The following SEPTIN12 variants were observed in gnomAD, a reference collection of about 807,000 sequenced individuals.
SEPTIN12 encodes septin-12.
A neutral mutation model predicts 37.7 loss-of-function variants in SEPTIN12; 42 were observed. The ratio of observed to expected loss-of-function variants is 1.11; its 90% CI spans 0.87 to 1.44. The LOEUF is 1.44. SEPTIN12 is among the 40% of genes most tolerant of loss of function. The pLI is 0.00. For missense variants in SEPTIN12, 613 were observed against 479.2 expected (o/e 1.28, Z -2.61); for synonymous variants, 254 against 196.7 (o/e 1.29, Z -2.44).
Position 4,787,680 on chromosome 16 carries a change from G to A in SEPTIN12, c.-22-13C>T, listed in dbSNP as rs752094196. Reference sequence around the variant, plus strand: ...GGGTTCGAGATGCCTGTCACCAGGTGGGTGGGGAGAAGGGGGTCACTGGGG... The same window carrying A: ...GGGTTCGAGATGCCTGTCACCAGGTAGGTGGGGAGAAGGGGGTCACTGGGG... On this transcript the variant is annotated splice_polypyrimidine_tract_variant and intron_variant, in intron 1 of 9. Coordinates refer to ENST00000268231, the MANE Select transcript of SEPTIN12 (RefSeq NM_144605.5). 1 of 1,272,730 alleles carries A rather than the reference G, an allele frequency of 7.9e-7. No homozygotes were observed. The highest frequency in any genetic ancestry group is 1.3e-5 in the South Asian group (1 of 76,146). The allele number at this position is 1,272,730 out of a possible 1,614,324, so 78.8% of individuals were successfully genotyped here.
At chr16:4,791,428 G>A (rs1377112998), upstream of SEPTIN12, among the ~76,000 whole-genome samples, 2 of 152,148 alleles carry the variant, frequency 1.3e-5, no homozygotes, top group Non-Finnish European at 2.9e-5. Flanking sequence ...ATCATGCTTC[G>A]ACGGCTCTGA....
At chr16:4,779,869 A>T (rs2082354461) in intron 7 of SEPTIN12, 83 bp from the exon 8 acceptor site, 2 of 865,990 alleles carry the variant, frequency 2.3e-6, no homozygotes, top group East Asian at 4.9e-5. Context: ...CAGGCAGGAG[A>T]GGGGAGTCCT....
Position 4,783,577 on chromosome 16 carries a change from G to A in SEPTIN12, c.631-20C>T. The A allele has an allele frequency of 1.2e-6, 2 of 1,612,814 alleles. No individual in the cohort carries two copies. The highest frequency in any genetic ancestry group is 1.7e-6 in the Non-Finnish European group (2 of 1,178,864). ...CTGGATCTGGAGATCCCACACAGGT[G>A]ACCTCAGCCCACCCTGCCCACTCTG... On this transcript the variant is annotated intron_variant, in intron 6 of 9. Coordinates refer to ENST00000268231, the MANE Select transcript of SEPTIN12 (RefSeq NM_144605.5).
upstream of SEPTIN12, chr16:4,790,066 ACCATGCTGGGC>A (rs2082528218): frequency 6.6e-6 from 1 of 151,636 alleles, no homozygotes; most frequent in African/African-American, 2.4e-5. Flanking sequence ...AGGTACGTAG[ACCATGCTGGGC>A]TAATTTTTTT....
At chr16:4,785,175 C>T (rs926459592) in intron 4 of SEPTIN12, among the ~76,000 whole-genome samples, 3 of 151,680 alleles carry the variant, frequency 2.0e-5, no homozygotes, top group Admixed American at 6.6e-5. Context: ...GCTTGAACCC[C>T]GGGAGGCGGA....
intron 4 of SEPTIN12, 24 bp from the exon 5 acceptor site, chr16:4,784,092 C>G (rs760637407): frequency 3.7e-6 from 6 of 1,613,372 alleles, no homozygotes; most frequent in Non-Finnish European, 4.2e-6. Context: ...TGGACCCTCC[C>G]CTCAGAACTG....
chr16:4,781,019 G>A (rs1029545275), intron 7 of SEPTIN12, among the ~76,000 whole-genome samples: 1 of 152,022 alleles, frequency 6.6e-6, no homozygotes, highest in Non-Finnish European at 1.5e-5. Context: ...CCAGCACTTT[G>A]GGAGGCTGAG....
At chr16:4,778,184 G>T (rs767848593) in intron 8 of SEPTIN12, 47 bp from the exon 9 acceptor site, 7 of 1,586,322 alleles carry the variant, frequency 4.4e-6, no homozygotes, top group Non-Finnish European at 6.1e-6. Flanking sequence ...TGAGCACTGA[G>T]TAAGTGCCTA....
In SEPTIN12 at chr16:4,786,116, C is replaced by A. The variant is rs1269287187; in HGVS notation, c.167-11G>T. The A allele has an allele frequency of 1.2e-5, 19 of 1,593,160 alleles. No individual in the cohort carries two copies. The highest frequency in any genetic ancestry group is 1.6e-5 in the Non-Finnish European group (19 of 1,167,460). On this transcript the variant is annotated splice_polypyrimidine_tract_variant and intron_variant, in intron 2 of 9. Transcript: ENST00000268231. ...CCAGCCCGCTTTGCCCTGGGAGTGG[C>A]AACCGGATGACAGCAGTTAGGGTGG...
chr16:4,785,928 G>A, intron 3 of SEPTIN12, 40 bp from the exon 4 acceptor site: 15 of 1,607,636 alleles, frequency 9.3e-6, no homozygotes, highest in Non-Finnish European at 1.3e-5. Flanking sequence ...CTGGACCCAG[G>A]TGGGATGGGG....
upstream of SEPTIN12, among the ~76,000 whole-genome samples, chr16:4,790,313 T>C (rs1421090702): frequency 6.6e-6 from 1 of 152,154 alleles, no homozygotes; most frequent in African/African-American, 2.4e-5. Flanking sequence ...CCACAGACAA[T>C]AGGTAAACAG....
intron 2 of SEPTIN12, among the ~76,000 whole-genome samples, chr16:4,787,000 A>C (rs1048927025): frequency 7.3e-5 from 11 of 151,316 alleles, no homozygotes; most frequent in Non-Finnish European, 1.5e-4. Flanking sequence ...TTAGCCTCCT[A>C]AGTAGCTCCT....
At chr16:4,779,048 G>C (rs1203232296) in intron 8 of SEPTIN12, among the ~76,000 whole-genome samples, 1 of 151,906 alleles carries the variant, frequency 6.6e-6, no homozygotes. Context: ...TGAGACAGGA[G>C]AATCACTTGA....
chr16:4,787,921 A>G (rs2082485835), intron 1 of SEPTIN12: 1 of 378,598 alleles, frequency 2.6e-6, no homozygotes. Flanking sequence ...CCCCACCTAC[A>G]GCCCAGGCAG....
intron 7 of SEPTIN12, among the ~76,000 whole-genome samples, chr16:4,780,028 C>A (rs1190974055): frequency 1.3e-5 from 2 of 151,760 alleles, no homozygotes; most frequent in Non-Finnish European, 2.9e-5. Context: ...ATCACTTGAG[C>A]CCTAGGAGTT....
upstream of SEPTIN12, among the ~76,000 whole-genome samples, chr16:4,791,307 C>T (rs1031117326): frequency 6.6e-5 from 10 of 152,142 alleles, no homozygotes; most frequent in Non-Finnish European, 1.2e-4. Context: ...AGGGAAAAAA[C>T]GATCTATGCA....
intron 4 of SEPTIN12, 84 bp from the exon 5 acceptor site, chr16:4,784,152 C>T (rs1461682240): frequency 9.7e-6 from 15 of 1,542,902 alleles, no homozygotes; most frequent in Non-Finnish European, 1.2e-5. Context: ...TCTGGGCGGT[C>T]CTCCCTTGGG....
intron 4 of SEPTIN12, 120 bp downstream of exon 4, chr16:4,785,687 A>T (rs1040588848): frequency 1.4e-6 from 1 of 710,158 alleles, no homozygotes; most frequent in Admixed American, 2.4e-5. Context: ...CTGAGGCAGG[A>T]GAATCACTTG....
At position 4,783,537 on chromosome 16, in the gene SEPTIN12, G is replaced by C. The variant is rs201456415; in HGVS notation, c.651C>G (p.Thr217=). Residue 217 remains threonine (T), a synonymous_variant, in exon 7 of 10, where the codon ACC becomes ACG. Coordinates refer to ENST00000268231, the MANE Select transcript of SEPTIN12 (RefSeq NM_144605.5). The part of the protein sequence containing the change: ...FRRRIQQNLR[T]HCIDVYPQMC... ...TCTGGGGGTAGACGTCGATGCAGTGGGTCCTCAGGTTCTGCTGGATCTGGA... is the reference window on the plus strand; with the variant it reads ...TCTGGGGGTAGACGTCGATGCAGTGCGTCCTCAGGTTCTGCTGGATCTGGA... 3.1e-6 allele frequency: 5 copies of C among 1,614,130 alleles called. No homozygotes were observed. In the East Asian group the frequency reaches 1.1e-4, roughly 36 times the overall value.
Sources: allele counts gnomAD v4.1 joint callset (sites outside exome capture counted in the v4.1 genomes callset), GRCh38; gene constraint gnomAD v4.1.1; transcripts MANE v1.5; gene names NCBI Gene and HGNC (gene_info 2026-07-23, HGNC 2026-07-21).